Variants in KYNU observed in about 807,000 individuals in gnomAD.
The protein encoded by KYNU is L-kynurenine hydrolase.
KYNU carries 54 observed loss-of-function variants against 59.2 expected under a neutral mutation model. That is an observed-to-expected ratio of 0.91 (90% CI 0.73 to 1.14). The LOEUF (loss-of-function observed/expected upper bound fraction) is 1.14. Ranked by LOEUF, KYNU falls within the 50% of genes most tolerant of loss-of-function variation. The pLI is 0.00. For synonymous variants in KYNU, 177 were observed against 192.0 expected (o/e 0.92, Z 0.65); for missense variants, 567 against 554.4 (o/e 1.02, Z -0.23).
chr2:143,017,152 TAATGGGCACCTC>T (rs1686273778), intron 10 of KYNU, among the ~76,000 whole-genome samples: 1 of 88,258 alleles, frequency 1.1e-5, no homozygotes, highest in African/African-American at 4.4e-5. Context: ...AACCCACCAT[TAATGGGCACCTC>T]GGCTGATTCC....
chr2:142,959,586 CAAAA>C (rs1451436427), intron 7 of KYNU, among the ~76,000 whole-genome samples: 1 of 118,982 alleles, frequency 8.4e-6, no homozygotes. Context: ...AGCTCCGTCT[CAAAA>C]AAAAAAAAAA....
chr2:142,900,582 G>A (rs1405707637), intron 2 of KYNU, among the ~76,000 whole-genome samples: 1 of 152,190 alleles, frequency 6.6e-6, no homozygotes, highest in African/African-American at 2.4e-5. Flanking sequence ...TCAGATATGA[G>A]TTAAGTTGCA....
At chr2:142,990,058 G>A (rs963946786) in intron 10 of KYNU, 7 of 151,710 alleles carry the variant, frequency 4.6e-5, no homozygotes, top group African/African-American at 1.2e-4. Flanking sequence ...GTCAACGCAC[G>A]GCATTAAGCA....
At chr2:142,939,602 C>CAAAAAAAAAAAAAAAAAAAAA (rs71301737) in intron 4 of KYNU, among the ~76,000 whole-genome samples, 8 of 65,082 alleles carry the variant, frequency 1.2e-4, no homozygotes, top group African/African-American at 3.5e-4. Context: ...CTCCATCTCA[C>CAAAAAAAAAAAAAAAAAAAAA]AAAAAAAAAA....
chr2:142,993,484 T>TA (rs1248064250), intron 10 of KYNU, among the ~76,000 whole-genome samples: 4 of 152,034 alleles, frequency 2.6e-5, no homozygotes, highest in Admixed American at 2.6e-4. Flanking sequence ...ATGGTGACTG[T>TA]AAGGGACCCA....
intron 4 of KYNU, among the ~76,000 whole-genome samples, chr2:142,950,209 C>T (rs1683941406): frequency 6.6e-6 from 1 of 152,230 alleles, no homozygotes; most frequent in African/African-American, 2.4e-5. Context: ...CCCACATTTT[C>T]CTGTCTTGTT....
At chr2:142,989,378 G>C in intron 10 of KYNU, 1 of 996,708 alleles carries the variant, frequency 1.0e-6, no homozygotes, top group Non-Finnish European at 1.2e-6. Context: ...CACTGTTAAA[G>C]TGTCCAGTAT....
At chr2:143,038,264 A>G (rs1023886326) in intron 12 of KYNU, among the ~76,000 whole-genome samples, 1 of 152,148 alleles carries the variant, frequency 6.6e-6, no homozygotes, top group Non-Finnish European at 1.5e-5. Context: ...AATATTATTA[A>G]GCTCCAGAGA....
intron 8 of KYNU, among the ~76,000 whole-genome samples, chr2:142,978,975 C>A (rs1684974505): frequency 6.6e-6 from 1 of 152,078 alleles, no homozygotes; most frequent in Non-Finnish European, 1.5e-5. Flanking sequence ...TAGGAAAATA[C>A]TTCAGCTTTA....
At chr2:142,956,046 A>C (rs944385149) in intron 5 of KYNU, among the ~76,000 whole-genome samples, 157 bp from the exon 6 acceptor site, 2 of 152,142 alleles carry the variant, frequency 1.3e-5, no homozygotes, top group Non-Finnish European at 1.5e-5. Context: ...CACTGGAAAC[A>C]TGGCTAATTG....
At chr2:142,893,130 G>A (rs1346335363) in intron 2 of KYNU, among the ~76,000 whole-genome samples, 1 of 152,214 alleles carries the variant, frequency 6.6e-6, no homozygotes, top group Non-Finnish European at 1.5e-5. Context: ...GGTACAACTA[G>A]CAGTTGAGTT....
chr2:142,918,068 C>T (rs1293594517), intron 2 of KYNU, among the ~76,000 whole-genome samples: 1 of 152,112 alleles, frequency 6.6e-6, no homozygotes, highest in Non-Finnish European at 1.5e-5. Flanking sequence ...ATGTAGAAAA[C>T]AATCTTTGCC....
chr2:143,017,956 C>T (rs950943993), intron 10 of KYNU, among the ~76,000 whole-genome samples: 2 of 150,604 alleles, frequency 1.3e-5, no homozygotes, highest in African/African-American at 4.8e-5. Flanking sequence ...TTTTGAGAAG[C>T]ATCTGTTCAT....
At chr2:143,016,446 A>T (rs1201125873) in intron 10 of KYNU, among the ~76,000 whole-genome samples, 1 of 152,224 alleles carries the variant, frequency 6.6e-6, no homozygotes, top group Non-Finnish European at 1.5e-5. Context: ...TTTTTAAATC[A>T]TTACCAGAAA....
intron 8 of KYNU, among the ~76,000 whole-genome samples, chr2:142,970,416 T>G (rs1573854830): frequency 6.6e-6 from 1 of 152,174 alleles, no homozygotes; most frequent in Admixed American, 6.5e-5. Flanking sequence ...GTAAATTTGG[T>G]TGAGGAATAG....
chr2:142,898,583 A>G (rs888109372), intron 2 of KYNU, among the ~76,000 whole-genome samples: 2 of 152,190 alleles, frequency 1.3e-5, no homozygotes, highest in African/African-American at 4.8e-5. Context: ...AAACTCAAAT[A>G]CCTAGCTAGT....
Position 143,040,481 on chromosome 2 carries a change from TG to T in KYNU, c.1097del (p.Gly366AlafsTer6), listed in dbSNP as rs774258095. 6.2e-7 allele frequency: 1 copy of T among 1,613,336 alleles called. No homozygotes were observed. Among genetic ancestry groups the T allele is most frequent in the Non-Finnish European group, 8.5e-7 (1 of 1,179,508 alleles). ...ALRKKSVLLT[G>X]YLEYLIKHNY... ...TGCGGAAAAAATCTGTTTTGCTAAC[TG>T]GCTATCTGGAATACCTGATCAAGCA... On this transcript the variant is annotated frameshift_variant, in exon 13 of 14. Transcript: ENST00000264170. LOFTEE classifies it high-confidence loss of function.
intron 10 of KYNU, 41 bp downstream of exon 10, chr2:142,986,062 T>G: frequency 7.7e-7 from 1 of 1,291,166 alleles, no homozygotes; most frequent in Non-Finnish European, 1.1e-6. Flanking sequence ...GATGAACAAA[T>G]TAATTTGCAT....
At chr2:143,034,142 T>C (rs569898264) in intron 12 of KYNU, among the ~76,000 whole-genome samples, 1 of 151,278 alleles carries the variant, frequency 6.6e-6, no homozygotes, top group East Asian at 1.9e-4. Context: ...ATATATAATG[T>C]AAATGTATAA....
Sources: gnomAD v4.1 joint callset for allele counts (sites outside exome capture counted in the v4.1 genomes callset) on GRCh38, gnomAD v4.1.1 for gene constraint, MANE v1.5 for transcripts, NCBI Gene and HGNC (gene_info 2026-07-23, HGNC 2026-07-21) for gene names.